CENPQ: variants seen among roughly 807,000 people sequenced by gnomAD.
CENPQ encodes chromosome 6 open reading frame 139.
CENPQ carries 27 observed loss-of-function variants against 36.6 expected under a neutral mutation model. The ratio of observed to expected loss-of-function variants is 0.74; its 90% CI spans 0.54 to 1.02. CENPQ has a LOEUF of 1.02. Among genes scored for constraint, CENPQ ranks in the 50% least tolerant of loss-of-function variants. The pLI, the probability that CENPQ is intolerant of heterozygous loss-of-function variation, is 0.00. For missense variants in CENPQ, 306 were observed against 301.8 expected (o/e 1.01, Z -0.10); for synonymous variants, 101 against 101.7 (o/e 0.99, Z 0.04).
intron 2 of CENPQ, 70 bp from the exon 3 acceptor site, chr6:49,470,904 T>C (rs1768116392): frequency 3.6e-6 from 3 of 835,344 alleles, no homozygotes; most frequent in Non-Finnish European, 5.2e-6. Flanking sequence ...TAAAAATCTA[T>C]TGTAAAAGCA....
In CENPQ at chr6:49,475,062, G is replaced by T. The variant is rs531754985; in HGVS notation, c.347+2204G>T. ...TCCAGGACCAGACAGATTCACAGCCGAATTCTACCAGAGATACAAGGAGGA... is the reference window on the plus strand; with the variant it reads ...TCCAGGACCAGACAGATTCACAGCCTAATTCTACCAGAGATACAAGGAGGA... On this transcript the variant is annotated intron_variant, in intron 5 of 8. Transcript: ENST00000335783. 3.9e-5 allele frequency among the ~76,000 whole-genome samples: 6 copies of T among 152,136 alleles called. No individual in the cohort carries two copies. In the South Asian group the frequency reaches 1.2e-3, roughly 32 times the overall value.
intron 2 of CENPQ, among the ~76,000 whole-genome samples, chr6:49,470,561 G>T (rs1054384438): frequency 4.8e-5 from 7 of 146,594 alleles, no homozygotes; most frequent in East Asian, 2.1e-4. Context: ...GGCAGAGGTT[G>T]CAGTGAACCG....
rs527823179 is a variant in CENPQ, at chr6:49,487,026, G to A, written c.478-1326G>A. Among the ~76,000 whole-genome samples the A allele has an allele frequency of 4.0e-4, 61 of 150,926 alleles. No homozygotes were observed. The South Asian group carries it at 0.012, about 29-fold the overall frequency. ...AAATTATCTGGGCATAGTGGCAGGT[G>A]CCTGTAGTCCCAGCTACTTGGGAGG... On this transcript the variant is annotated intron_variant, in intron 6 of 8. Coordinates refer to ENST00000335783, the MANE Select transcript of CENPQ (RefSeq NM_018132.4).
At chr6:49,466,121 G>C (rs1342204816) in intron 1 of CENPQ, among the ~76,000 whole-genome samples, 3 of 152,178 alleles carry the variant, frequency 2.0e-5, no homozygotes, top group Non-Finnish European at 4.4e-5. Context: ...GAGGCCTAAG[G>C]AGAGGGAGAG....
At chr6:49,464,098 A>T (rs1335915608) in intron 1 of CENPQ, among the ~76,000 whole-genome samples, 2 of 152,104 alleles carry the variant, frequency 1.3e-5, no homozygotes, top group African/African-American at 4.8e-5. Context: ...TCAAAATGTT[A>T]TTAGAATAAT....
At chr6:49,488,745 T>C in intron 8 of CENPQ, 61 bp downstream of exon 8, 1 of 1,390,894 alleles carries the variant, frequency 7.2e-7, no homozygotes, top group Admixed American at 1.7e-5. Context: ...AAATTTGGAT[T>C]CAGACCACAG....
chr6:49,479,198 T>C (rs1043473926), intron 5 of CENPQ, among the ~76,000 whole-genome samples: 18 of 152,136 alleles, frequency 1.2e-4, no homozygotes, highest in Admixed American at 1.1e-3. Flanking sequence ...CTTTTTTCTT[T>C]ACAAAAATTA....
chr6:49,466,665 A>T lies in CENPQ; in HGVS notation c.-19+3212A>T, dbSNP rs189049813. On this transcript the variant is annotated intron_variant, in intron 1 of 8. Transcript: ENST00000335783. ...ATTCATTTTTATATGCACTGTGAGT[A>T]GCCCAGAAGTGATAGAAACAATGTC... is the stretch of plus-strand genomic sequence containing the variant. 3.6e-3 allele frequency among the ~76,000 whole-genome samples: 547 copies of T among 152,336 alleles called. 3 individuals carry two copies. Among genetic ancestry groups the T allele is most frequent in the African/African-American group, 0.012 (483 of 41,574 alleles).
In CENPQ at chr6:49,492,843, T is replaced by G. The variant is rs1312284208; in HGVS notation, c.*568T>G. 2 of 152,590 alleles carry G rather than the reference T, an allele frequency of 1.3e-5. No individual in the cohort carries two copies. Among genetic ancestry groups the G allele is most frequent in the Non-Finnish European group, 2.9e-5 (2 of 68,036 alleles). 9.5% of individuals were successfully genotyped at this position (152,590 alleles called of 1,614,324 possible). On this transcript the variant is annotated 3_prime_UTR_variant, in exon 9 of 9. Transcript: ENST00000335783. ...TATCAAAATTTTACTTCTTTGGTTG[T>G]TTAGTGAATTAATGTTGAATATTTT...
At position 49,466,054 on chromosome 6, in the gene CENPQ, C is replaced by T. The variant is rs888912312; in HGVS notation, c.-19+2601C>T. On this transcript the variant is annotated intron_variant, in intron 1 of 8. Transcript: ENST00000335783. ...TTGCTTTCACTTGAACACTTAGAGG[C>T]CATTGTAGGGTTATTAAATGGCCTA... 2.0e-5 allele frequency among the ~76,000 whole-genome samples: 3 copies of T among 152,018 alleles called. No homozygotes were observed. In the South Asian group the frequency reaches 6.2e-4, roughly 32 times the overall value.
chr6:49,488,557 A>C, intron 7 of CENPQ, 50 bp from the exon 8 acceptor site: 1 of 1,595,592 alleles, frequency 6.3e-7, no homozygotes, highest in Middle Eastern at 1.7e-4. Flanking sequence ...GTATAATATG[A>C]TGAGAGAAAT....
chr6:49,474,483 C>T lies in CENPQ; in HGVS notation c.347+1625C>T, dbSNP rs200657391. ...TTTGAAACCAACGAGAACAAAGACA[C>T]AACATACCAGAATCTCTGCGACACA... On this transcript the variant is annotated intron_variant, in intron 5 of 8. Transcript: ENST00000335783. 6.5e-4 allele frequency among the ~76,000 whole-genome samples: 99 copies of T among 152,104 alleles called. No homozygotes were observed. The East Asian group carries it at 0.016, about 24-fold the overall frequency.
chr6:49,467,679 G>A (rs150735996), intron 1 of CENPQ, among the ~76,000 whole-genome samples: 102 of 152,162 alleles, frequency 6.7e-4, no homozygotes, highest in Non-Finnish European at 1.2e-3. Context: ...TTGGAGTAGC[G>A]CTAAATTACA....
chr6:49,477,704 C>T (rs1009443904), intron 5 of CENPQ, among the ~76,000 whole-genome samples: 1 of 151,792 alleles, frequency 6.6e-6, no homozygotes, highest in Non-Finnish European at 1.5e-5. Flanking sequence ...CCACAATAGC[C>T]AAGTAGAAAG....
At chr6:49,490,453 T>C (rs1768694230) in intron 8 of CENPQ, among the ~76,000 whole-genome samples, 2 of 152,266 alleles carry the variant, frequency 1.3e-5, no homozygotes, top group Admixed American at 1.3e-4. Flanking sequence ...GTGGCTGGTT[T>C]GATCTTCCAT....
At chr6:49,489,532 T>G (rs1768669830) in intron 8 of CENPQ, among the ~76,000 whole-genome samples, 1 of 152,232 alleles carries the variant, frequency 6.6e-6, no homozygotes, top group Admixed American at 6.5e-5. Flanking sequence ...TATTGGTATT[T>G]TGACTTCCTC....
At chr6:49,471,163 G>T in intron 3 of CENPQ, 135 bp downstream of exon 3, 1 of 468,544 alleles carries the variant, frequency 2.1e-6, no homozygotes, top group Non-Finnish European at 3.6e-6. Flanking sequence ...ATTTTTGTAA[G>T]AATATGTAGT....
intron 6 of CENPQ, among the ~76,000 whole-genome samples, chr6:49,482,654 G>A (rs1768466920): frequency 8.2e-6 from 1 of 122,638 alleles, no homozygotes. Context: ...TGGTCTCACT[G>A]CTCGGCGATT....
rs530826614 is a variant in CENPQ at position 49,483,385 on chromosome 6, G to T, written c.477+2305G>T. The stretch of plus-strand genomic sequence containing the variant: ...CAGTGGATCCCACACTGGGGCTGCA[G>T]GTGGAGCTGCCTGCCAGTCCTGTGC... On this transcript the variant is annotated intron_variant, in intron 6 of 8. Transcript: ENST00000335783. Among the ~76,000 whole-genome samples the T allele has an allele frequency of 9.4e-4, 143 of 152,328 alleles. 1 individual carries two copies. The highest frequency in any genetic ancestry group is 3.1e-3 in the African/African-American group (128 of 41,592).
Sources: gnomAD v4.1 joint callset for allele counts (sites outside exome capture counted in the v4.1 genomes callset) on GRCh38, gnomAD v4.1.1 for gene constraint, MANE v1.5 for transcripts, NCBI Gene and HGNC (gene_info 2026-07-23, HGNC 2026-07-21) for gene names.